Variants in LRRC49 observed in about 807,000 individuals in gnomAD.
The protein encoded by LRRC49 is leucine rich repeat containing 49.
LRRC49 carries 50 observed loss-of-function variants against 83.3 expected under a neutral mutation model. The observed-to-expected ratio is 0.60, with a 90% CI of 0.48 to 0.76. The LOEUF is 0.76. Ranked by LOEUF, LRRC49 falls within the 30% of genes least tolerant of loss-of-function variation. The probability of loss-of-function intolerance (pLI) is 0.00; values close to 1 mark genes in which losing one functional copy is unlikely to be tolerated. For synonymous variants in LRRC49, 286 were observed against 283.3 expected, an observed-to-expected ratio of 1.01 and a Z score of -0.10; for missense variants, 704 against 809.1, an observed-to-expected ratio of 0.87 and a Z score of 1.58.
At chr15:71,007,785 T>G (rs2038511922) in intron 11 of LRRC49, among the ~76,000 whole-genome samples, 1 of 146,862 alleles carries the variant, frequency 6.8e-6, no homozygotes, top group South Asian at 2.1e-4. Context: ...TCACTGTTTC[T>G]TATTTCAAAG....
At chr15:70,939,847 G>GTT (rs1327080543) in intron 8 of LRRC49, among the ~76,000 whole-genome samples, 1,963 of 115,204 alleles carry the variant, frequency 0.017, 65 homozygotes, top group African/African-American at 0.051. Flanking sequence ...TTTAAACTAG[G>GTT]TTTTTTTTTT....
At position 70,910,846 on chromosome 15, in the gene LRRC49, T is replaced by G. The variant is rs542462603; in HGVS notation, c.501-686T>G. Among the ~76,000 whole-genome samples the G allele has an allele frequency of 2.0e-4, 31 of 152,336 alleles. No individual in the cohort carries two copies. In the South Asian group the frequency reaches 2.9e-3, roughly 14 times the overall value. On this transcript the variant is annotated intron_variant, in intron 5 of 15. Transcript: ENST00000260382. ...GAATGTCCTTTTAAAGCTCACATTTTGATTTGGCAAGAGAGATTTTTTAAA... is the reference window on the plus strand; with the variant it reads ...GAATGTCCTTTTAAAGCTCACATTTGGATTTGGCAAGAGAGATTTTTTAAA...
intron 14 of LRRC49, among the ~76,000 whole-genome samples, chr15:71,031,087 G>A (rs2039338110): frequency 6.6e-6 from 1 of 152,044 alleles, no homozygotes; most frequent in African/African-American, 2.4e-5. Flanking sequence ...GGGCATTCTG[G>A]TTTTGGGAAT....
chr15:70,904,280 A>G (rs1196069216), intron 4 of LRRC49, among the ~76,000 whole-genome samples: 2 of 152,186 alleles, frequency 1.3e-5, no homozygotes, highest in African/African-American at 4.8e-5. Flanking sequence ...TGTTAAGTCA[A>G]TTTCATGTGA....
At chr15:70,992,253 G>A (rs138383584) in intron 11 of LRRC49, among the ~76,000 whole-genome samples, 40 of 152,288 alleles carry the variant, frequency 2.6e-4, no homozygotes, top group African/African-American at 9.4e-4. Flanking sequence ...CAATGGGTTC[G>A]AACTTCCTCC....
chr15:70,865,537 T>G (rs2032891161), intron 1 of LRRC49, among the ~76,000 whole-genome samples: 1 of 152,224 alleles, frequency 6.6e-6, no homozygotes, highest in Non-Finnish European at 1.5e-5. Context: ...GAGTCACACA[T>G]TGCATTTGAT....
upstream of LRRC49, chr15:70,892,429 G>A: frequency 6.5e-7 from 1 of 1,536,918 alleles, no homozygotes; most frequent in South Asian, 1.2e-5. Context: ...CGGAAGTGGC[G>A]ATCTGGGGCC....
chr15:70,877,685 C>G (rs534376168), intron 2 of LRRC49, among the ~76,000 whole-genome samples: 1 of 152,214 alleles, frequency 6.6e-6, no homozygotes, highest in Admixed American at 6.5e-5. Flanking sequence ...GTAAAGTACC[C>G]AGGAGTGAAA....
At chr15:70,887,626 T>C (rs1289187904), upstream of LRRC49, among the ~76,000 whole-genome samples, 1 of 152,142 alleles carries the variant, frequency 6.6e-6, no homozygotes, top group Non-Finnish European at 1.5e-5. Flanking sequence ...TATAAAAAAC[T>C]ATAGTAAAAA....
intron 14 of LRRC49, among the ~76,000 whole-genome samples, chr15:71,031,593 C>T (rs1409449475): frequency 1.3e-5 from 2 of 152,166 alleles, no homozygotes; most frequent in Non-Finnish European, 2.9e-5. Context: ...ACGATTAAAT[C>T]CACTGAAGCT....
chr15:71,010,064 T>C, intron 13 of LRRC49, 72 bp downstream of exon 13: 1 of 967,916 alleles, frequency 1.0e-6, no homozygotes, highest in Non-Finnish European at 1.4e-6. Flanking sequence ...TTTAAATGTT[T>C]AGGAATTTAA....
chr15:70,977,483 A>G (rs999253581), intron 9 of LRRC49, among the ~76,000 whole-genome samples: 4 of 152,060 alleles, frequency 2.6e-5, no homozygotes, highest in African/African-American at 9.7e-5. Context: ...TGTCTCTACT[A>G]AAAATACAAA....
intron 10 of LRRC49, among the ~76,000 whole-genome samples, chr15:70,981,766 C>T (rs2037408177): frequency 6.6e-6 from 1 of 152,140 alleles, no homozygotes; most frequent in Non-Finnish European, 1.5e-5. Context: ...TTATTGGCAC[C>T]TAGCTATTAG....
chr15:70,901,213 A>G (rs1402944350), intron 4 of LRRC49, among the ~76,000 whole-genome samples, 189 bp downstream of exon 4: 2 of 152,156 alleles, frequency 1.3e-5, no homozygotes, highest in Non-Finnish European at 2.9e-5. Flanking sequence ...TTTTATATCT[A>G]TATAACATAA....
chr15:71,040,627 G>A (rs1346288142), intron 15 of LRRC49, among the ~76,000 whole-genome samples: 1 of 151,966 alleles, frequency 6.6e-6, no homozygotes, highest in East Asian at 1.9e-4. Context: ...AGACCATCCT[G>A]GCTAACACGG....
upstream of LRRC49, among the ~76,000 whole-genome samples, chr15:70,888,659 C>T (rs779460690): frequency 4.6e-5 from 7 of 152,024 alleles, no homozygotes; most frequent in Non-Finnish European, 7.4e-5. Context: ...CATCAAAAGA[C>T]ATTATTAAGA....
chr15:70,950,577 G>T (rs1343556967), intron 8 of LRRC49, among the ~76,000 whole-genome samples: 1 of 152,058 alleles, frequency 6.6e-6, no homozygotes, highest in Non-Finnish European at 1.5e-5. Context: ...AGAAATGTCT[G>T]TTCATGTTCT....
chr15:71,002,523 G>A (rs535702158), intron 11 of LRRC49, among the ~76,000 whole-genome samples: 99 of 148,684 alleles, frequency 6.7e-4, no homozygotes, highest in African/African-American at 2.3e-3. Context: ...TTTTTTTTTT[G>A]CTTACATTGG....
chr15:70,950,432 C>T (rs1480381464), intron 8 of LRRC49, among the ~76,000 whole-genome samples: 3 of 151,896 alleles, frequency 2.0e-5, no homozygotes, highest in Non-Finnish European at 4.4e-5. Context: ...ATAAGTGTTC[C>T]CTTTTCTCCA....
Sources: allele counts gnomAD v4.1 joint callset (sites outside exome capture counted in the v4.1 genomes callset), GRCh38; gene constraint gnomAD v4.1.1; transcripts MANE v1.5; gene names NCBI Gene and HGNC (gene_info 2026-07-23, HGNC 2026-07-21).